The following CPSF6 variants were observed in gnomAD, a reference collection of about 807,000 sequenced individuals.
CPSF6 encodes cleavage and polyadenylation specificity factor subunit 6.
In CPSF6, 10 loss-of-function variants were observed where a neutral mutation model predicts 56.7. That is an observed-to-expected ratio of 0.18 (90% confidence interval 0.11 to 0.30). The LOEUF (loss-of-function observed/expected upper bound fraction) is 0.30. Ranked by LOEUF, CPSF6 falls within the 10% of genes least tolerant of loss-of-function variation. CPSF6 has a pLI of 1.00. For synonymous variants in CPSF6, 248 were observed against 244.8 expected (o/e 1.01, Z -0.12); for missense variants, 419 against 722.9 (o/e 0.58, Z 4.82).
chr12:69,268,842 ATAC>A (rs1183523582), intron 9 of CPSF6, among the ~76,000 whole-genome samples: 1 of 151,760 alleles, frequency 6.6e-6, no homozygotes, highest in Non-Finnish European at 1.5e-5. Flanking sequence ...TTAGTTTATA[ATAC>A]TACGTTAGGT....
At chr12:69,265,667 A>G (rs1052566441) in intron 9 of CPSF6, among the ~76,000 whole-genome samples, 1 of 146,628 alleles carries the variant, frequency 6.8e-6, no homozygotes, top group Non-Finnish European at 1.5e-5. Flanking sequence ...CAGTGGCACA[A>G]TCTCAGCTCA....
Position 69,270,778 on chromosome 12 carries a change from T to G in CPSF6, c.*1270T>G, listed in dbSNP as rs1408645830. 6.6e-6 allele frequency: 1 copy of G among 151,768 alleles called. No individual in the cohort carries two copies. The highest frequency in any genetic ancestry group is 1.5e-5 in the Non-Finnish European group (1 of 67,680). The allele number at this position is 151,768 out of a possible 1,614,324, so 9.4% of individuals were successfully genotyped here. A position where few individuals can be genotyped will look rare whatever the true frequency, so the allele number is the denominator to read the frequency against. ...AAAAGCACCTGACTAGCATGTGTTC[T>G]TGATTGCAAAATTGGCAGAGGCAGG... On this transcript the variant is annotated 3_prime_UTR_variant, in exon 10 of 10. Transcript: ENST00000435070.
intron 1 of CPSF6, among the ~76,000 whole-genome samples, chr12:69,247,327 T>C (rs1871963262): frequency 6.6e-6 from 1 of 152,048 alleles, no homozygotes; most frequent in Non-Finnish European, 1.5e-5. Flanking sequence ...TAAAGAATGA[T>C]TGTAGTGATT....
chr12:69,253,009 G>C, intron 2 of CPSF6, 42 bp from the exon 3 acceptor site: 1 of 1,121,478 alleles, frequency 8.9e-7, no homozygotes, highest in Non-Finnish European at 1.3e-6. Context: ...TAAAAATCTT[G>C]GTTTTATTTT....
In CPSF6 at chr12:69,274,108, A is replaced by ATTTTT. The variant is rs1873390076; in HGVS notation, c.*4600_*4601insTTTTT. 1 of 45,578 alleles carries ATTTTT rather than the reference A, an allele frequency of 2.2e-5. No homozygotes were observed. The allele number at this position is 45,578 out of a possible 1,614,324, so 2.8% of individuals were successfully genotyped here. A position where few individuals can be genotyped will look rare whatever the true frequency, so the allele number is the denominator to read the frequency against. ...GGTAAGGTGATAATTGATCTAATAG[A>ATTTTT]CTTTTTTTTTTTTTTTTTTGCTGTC... On this transcript the variant is annotated 3_prime_UTR_variant, in exon 10 of 10. Transcript: ENST00000435070.
chr12:69,249,552 T>G (rs1160404551), intron 1 of CPSF6, among the ~76,000 whole-genome samples: 1 of 152,186 alleles, frequency 6.6e-6, no homozygotes, highest in Non-Finnish European at 1.5e-5. Context: ...GTCTGAACTT[T>G]CAGGTTGTCT....
In CPSF6 at chr12:69,259,422, T is replaced by A; in HGVS notation, c.1200-6T>A. 6 of 1,610,072 alleles carry A rather than the reference T, an allele frequency of 3.7e-6. No individual in the cohort carries two copies. Among genetic ancestry groups the A allele is most frequent in the Non-Finnish European group, 5.1e-6 (6 of 1,178,566 alleles). The stretch of plus-strand genomic sequence containing the variant: ...ATGAGTTAAGGTTTATGTTTTTGTT[T>A]TACAGGGAAATGGATACTGCAAGAA... On this transcript the variant is annotated splice_region_variant and splice_polypyrimidine_tract_variant and intron_variant, in intron 6 of 9. Coordinates refer to ENST00000435070, the MANE Select transcript of CPSF6 (RefSeq NM_007007.3).
intron 1 of CPSF6, among the ~76,000 whole-genome samples, chr12:69,249,426 T>TTC (rs60931344): frequency 0.98 from 149,310 of 152,176 alleles, 73,275 homozygotes; most frequent in East Asian, 1. Context: ...CTCTGGGTCA[T>TTC]TCTATCCATT....
intron 8 of CPSF6, among the ~76,000 whole-genome samples, chr12:69,261,725 G>C (rs1262213447): frequency 6.6e-6 from 1 of 152,172 alleles, no homozygotes; most frequent in Non-Finnish European, 1.5e-5. Flanking sequence ...ATTTATAGAA[G>C]TCTTTTGGGT....
chr12:69,254,112 C>T (rs1051098420), intron 3 of CPSF6, among the ~76,000 whole-genome samples: 1 of 152,152 alleles, frequency 6.6e-6, no homozygotes, highest in African/African-American at 2.4e-5. Context: ...CTCACTTAAA[C>T]TTTGGCAGTA....
At chr12:69,253,568 A>G (rs1872355376) in intron 3 of CPSF6, among the ~76,000 whole-genome samples, 1 of 152,188 alleles carries the variant, frequency 6.6e-6, no homozygotes, top group Non-Finnish European at 1.5e-5. Flanking sequence ...CAGCATGAGA[A>G]CATTATAAAT....
At position 69,271,120 on chromosome 12, in the gene CPSF6, T is replaced by G. The variant is rs546499218; in HGVS notation, c.*1612T>G. 2 of 152,330 alleles carry G rather than the reference T, an allele frequency of 1.3e-5. No homozygotes were observed. The highest frequency in any genetic ancestry group is 4.8e-5 in the African/African-American group (2 of 41,550). 9.4% of individuals were successfully genotyped at this position (152,330 alleles called of 1,614,324 possible). On this transcript the variant is annotated 3_prime_UTR_variant, in exon 10 of 10. Transcript: ENST00000435070. ...AGCTGTTTTGAATTACCCATATCACTGCCAGTTTTATTTTAAAATATTTTG... is the reference window on the plus strand; with the variant it reads ...AGCTGTTTTGAATTACCCATATCACGGCCAGTTTTATTTTAAAATATTTTG...
intron 1 of CPSF6, among the ~76,000 whole-genome samples, chr12:69,241,970 A>AGCTTATCT (rs954328566): frequency 6.6e-6 from 1 of 151,716 alleles, no homozygotes; most frequent in Non-Finnish European, 1.5e-5. Context: ...TTATTTTCAG[A>AGCTTATCT]GCTTATCTTG....
At chr12:69,264,538 A>T (rs180764784) in intron 9 of CPSF6, among the ~76,000 whole-genome samples, 205 of 152,242 alleles carry the variant, frequency 1.3e-3, no homozygotes, top group Middle Eastern at 6.8e-3. Flanking sequence ...CAAATTCCTA[A>T]TGTGCAAACT....
chr12:69,240,889 A>G (rs1871584406), intron 1 of CPSF6, among the ~76,000 whole-genome samples: 2 of 152,192 alleles, frequency 1.3e-5, no homozygotes, highest in South Asian at 4.1e-4. Flanking sequence ...TTATGTAGTA[A>G]CACATTTAAA....
chr12:69,272,576 C>T lies in CPSF6; in HGVS notation c.*3068C>T, dbSNP rs1359960078. 1 of 151,682 alleles carries T rather than the reference C, an allele frequency of 6.6e-6. No homozygotes were observed. The highest frequency in any genetic ancestry group is 2.1e-4 in the South Asian group (1 of 4,828). The allele number at this position is 151,682 out of a possible 1,614,324, so 9.4% of individuals were successfully genotyped here. A position where few individuals can be genotyped will look rare whatever the true frequency, so the allele number is the denominator to read the frequency against. Reference sequence around the variant, plus strand: ...GGTTTTCATACCTGAATGATCATTGCATTTTCTGTATTTTCTAAAATGGCT... The same window carrying T: ...GGTTTTCATACCTGAATGATCATTGTATTTTCTGTATTTTCTAAAATGGCT... On this transcript the variant is annotated 3_prime_UTR_variant, in exon 10 of 10. Transcript: ENST00000435070.
intron 9 of CPSF6, among the ~76,000 whole-genome samples, chr12:69,265,175 C>A (rs1047357053): frequency 4.5e-4 from 68 of 151,928 alleles, no homozygotes; most frequent in African/African-American, 1.6e-3. Flanking sequence ...TATCTAAGTT[C>A]AAATAGATAA....
intron 1 of CPSF6, among the ~76,000 whole-genome samples, chr12:69,241,137 G>T (rs1871596565): frequency 6.6e-6 from 1 of 152,156 alleles, no homozygotes; most frequent in South Asian, 2.1e-4. Context: ...TTAGAAAACA[G>T]AAAAATACCA....
chr12:69,257,345 C>G (rs1037356872), intron 4 of CPSF6, among the ~76,000 whole-genome samples: 2 of 152,186 alleles, frequency 1.3e-5, no homozygotes, highest in Non-Finnish European at 2.9e-5. Flanking sequence ...ATGTAATTAA[C>G]AGAAATTCAA....
Sources: allele counts gnomAD v4.1 joint callset (sites outside exome capture counted in the v4.1 genomes callset), GRCh38; gene constraint gnomAD v4.1.1; transcripts MANE v1.5; gene names NCBI Gene and HGNC (gene_info 2026-07-23, HGNC 2026-07-21).